The following CALN1 variants were observed in gnomAD, a reference collection of about 807,000 sequenced individuals.
CALN1 encodes the protein calcium-binding protein 8.
A neutral mutation model predicts 30.6 loss-of-function variants in CALN1; 17 were observed. The ratio of observed to expected loss-of-function variants is 0.56; its 90% CI spans 0.38 to 0.83. The LOEUF (loss-of-function observed/expected upper bound fraction) is 0.83. Among genes scored for constraint, CALN1 ranks in the 40% least tolerant of loss-of-function variants. The pLI is 0.00. For missense variants in CALN1, 291 were observed against 354.9 expected (o/e 0.82, Z 1.45); for synonymous variants, 156 against 131.4 (o/e 1.19, Z -1.28).
At chr7:72,493,984 G>A in the CALN1 span, among the ~76,000 whole-genome samples, 1 of 152,180 alleles carries the variant, frequency 6.6e-6, no homozygotes, top group East Asian at 1.9e-4. Context: ...CAGGCTAGGA[G>A]TTCCAGACCA....
chr7:71,847,565 C>A, intron 5 of CALN1, among the ~76,000 whole-genome samples: 1 of 151,410 alleles, frequency 6.6e-6, no homozygotes, highest in South Asian at 2.1e-4. Flanking sequence ...GCCTGTAATC[C>A]CAGCTACTCA....
chr7:72,169,676 T>G lies in CALN1; in HGVS notation c.245-63382A>C, dbSNP rs148713810. On this transcript the variant is annotated intron_variant, in intron 3 of 6. Transcript: ENST00000395275. Reference sequence around the variant, plus strand: ...CTAAGGCTTTAATTTTTTTTGTTATTTTCTTTTTCTTTTTTCCTTTTCTTT... The same window carrying G: ...CTAAGGCTTTAATTTTTTTTGTTATGTTCTTTTTCTTTTTTCCTTTTCTTT... 7.3e-3 allele frequency among the ~76,000 whole-genome samples: 1,115 copies of G among 151,988 alleles called. 15 individuals carry two copies. Among genetic ancestry groups the G allele is most frequent in the African/African-American group, 0.025 (1,030 of 41,448 alleles).
At chr7:72,484,257 A>G in the CALN1 span, among the ~76,000 whole-genome samples, 4 of 135,958 alleles carry the variant, frequency 2.9e-5, no homozygotes, top group African/African-American at 7.8e-5. Flanking sequence ...TTAAATTTTT[A>G]TAAGTATTCT....
chr7:72,494,632 C>T, the CALN1 span, among the ~76,000 whole-genome samples: 2 of 151,984 alleles, frequency 1.3e-5, no homozygotes, highest in Admixed American at 1.3e-4. Context: ...GCCCCAGCAC[C>T]GTGGGAGACC....
intron 5 of CALN1, among the ~76,000 whole-genome samples, chr7:71,916,202 A>G (rs1794680721): frequency 7.6e-6 from 1 of 131,620 alleles, no homozygotes; most frequent in African/African-American, 3.3e-5. Flanking sequence ...AGTATAAGAA[A>G]GAGGATCTGA....
intron 2 of CALN1, among the ~76,000 whole-genome samples, chr7:72,384,394 A>C (rs1041808160): frequency 1.3e-5 from 2 of 152,190 alleles, no homozygotes; most frequent in African/African-American, 4.8e-5. Context: ...AAAGAAATGA[A>C]CCTTTAAAAA....
chr7:72,141,607 C>A (rs770026609), intron 3 of CALN1, among the ~76,000 whole-genome samples: 1 of 151,912 alleles, frequency 6.6e-6, no homozygotes, highest in Non-Finnish European at 1.5e-5. Flanking sequence ...TCCATCTTGT[C>A]AATCAGGTAG....
intron 3 of CALN1, among the ~76,000 whole-genome samples, chr7:72,224,940 A>C (rs71551254): frequency 0.36 from 53,896 of 150,370 alleles, 14,592 homozygotes; most frequent in East Asian, 0.94. Context: ...CACACACACA[A>C]AAAAAAAATT....
At chr7:72,129,861 T>C (rs1381063594) in intron 3 of CALN1, among the ~76,000 whole-genome samples, 3 of 152,234 alleles carry the variant, frequency 2.0e-5, no homozygotes, top group African/African-American at 7.2e-5. Context: ...ATATGGTTCA[T>C]GATTTGTCTC....
At chr7:71,884,334 C>G (rs1792768179) in intron 5 of CALN1, among the ~76,000 whole-genome samples, 1 of 152,152 alleles carries the variant, frequency 6.6e-6, no homozygotes, top group African/African-American at 2.4e-5. Flanking sequence ...GGAGGAGGTC[C>G]AGAATCTTGG....
chr7:72,431,206 G>A (rs951722507), intron 1 of CALN1, among the ~76,000 whole-genome samples: 6 of 151,872 alleles, frequency 4.0e-5, no homozygotes, highest in East Asian at 3.9e-4. Flanking sequence ...CTGGGATTAC[G>A]GGCATAAGCC....
chr7:72,295,805 G>T (rs1798816331), intron 2 of CALN1, among the ~76,000 whole-genome samples: 1 of 151,724 alleles, frequency 6.6e-6, no homozygotes, highest in Admixed American at 6.6e-5. Flanking sequence ...CATGTCGTCT[G>T]CAAAGAGGGA....
intron 3 of CALN1, among the ~76,000 whole-genome samples, chr7:72,203,972 C>A (rs973291191): frequency 1.5e-5 from 2 of 132,756 alleles, no homozygotes; most frequent in Non-Finnish European, 3.0e-5. Flanking sequence ...ATATAAGAGG[C>A]CTCTCTCTTT....
At chr7:72,499,820 TC>T in the CALN1 span, among the ~76,000 whole-genome samples, 12 of 66,586 alleles carry the variant, frequency 1.8e-4, no homozygotes, top group African/African-American at 4.1e-4. Context: ...CTTCCTTCCT[TC>T]CTTCCTTCTT....
intron 3 of CALN1, among the ~76,000 whole-genome samples, chr7:72,194,592 C>CT (rs1181135798): frequency 0.059 from 6,783 of 115,664 alleles, 328 homozygotes; most frequent in East Asian, 0.085. Context: ...TAACTGGCCT[C>CT]TTTTTTTTTT....
chr7:72,314,404 TACAC>T (rs1562875633), intron 2 of CALN1, among the ~76,000 whole-genome samples: 5 of 135,462 alleles, frequency 3.7e-5, no homozygotes, highest in South Asian at 2.5e-4. Context: ...TACACATATA[TACAC>T]ATATATATAC....
chr7:72,347,038 A>G (rs1409581021), intron 2 of CALN1, among the ~76,000 whole-genome samples: 1 of 152,140 alleles, frequency 6.6e-6, no homozygotes, highest in Non-Finnish European at 1.5e-5. Context: ...GAATTGTCAA[A>G]CATGTAACTG....
chr7:72,202,733 A>C (rs941559072), intron 3 of CALN1, among the ~76,000 whole-genome samples: 2 of 152,236 alleles, frequency 1.3e-5, no homozygotes, highest in African/African-American at 4.8e-5. Context: ...TTGAGAGTAC[A>C]TATCACCAAT....
intron 3 of CALN1, among the ~76,000 whole-genome samples, chr7:72,147,319 C>G (rs1318004170): frequency 2.0e-5 from 3 of 152,064 alleles, no homozygotes; most frequent in Admixed American, 2.0e-4. Context: ...TGAACAGACA[C>G]TTCTCAAAAG....
Sources: allele counts gnomAD v4.1 joint callset (sites outside exome capture counted in the v4.1 genomes callset), GRCh38; gene constraint gnomAD v4.1.1; transcripts MANE v1.5; gene names NCBI Gene and HGNC (gene_info 2026-07-23, HGNC 2026-07-21).